The following ATXN1 variants were observed in gnomAD, a reference collection of about 807,000 sequenced individuals.
The protein encoded by ATXN1 is ataxin-1.
Under a neutral mutation model 56.4 loss-of-function variants are expected in ATXN1, and 8 were observed. That is an observed-to-expected ratio of 0.14 (90% CI 0.08 to 0.26). The LOEUF is 0.26. Among genes scored for constraint, ATXN1 ranks in the 10% least tolerant of loss-of-function variants. The probability of loss-of-function intolerance (pLI) is 1.00; values close to 1 mark genes in which losing one functional copy is unlikely to be tolerated. For missense variants in ATXN1, 987 were observed against 1,106.5 expected, an observed-to-expected ratio of 0.89 and a Z score of 1.53; for synonymous variants, 514 against 494.6, an observed-to-expected ratio of 1.04 and a Z score of -0.52.
intron 6 of ATXN1, among the ~76,000 whole-genome samples, chr6:16,448,848 G>A (rs78162517): frequency 0.016 from 2,407 of 152,242 alleles, 72 homozygotes; most frequent in African/African-American, 0.055. Flanking sequence ...TTTTTTGCTT[G>A]CATGAAGGGT....
chr6:16,607,453 T>C (rs889808408), intron 3 of ATXN1, among the ~76,000 whole-genome samples: 44 of 152,252 alleles, frequency 2.9e-4, no homozygotes, highest in Non-Finnish European at 5.7e-4. Context: ...TAATTGATAT[T>C]GCGCTGCATG....
chr6:16,559,810 G>C (rs1214271360), intron 4 of ATXN1, among the ~76,000 whole-genome samples: 4 of 152,032 alleles, frequency 2.6e-5, no homozygotes, highest in Non-Finnish European at 5.9e-5. Flanking sequence ...AAGGAGCAAA[G>C]TACGTGGTCT....
Position 16,410,626 on chromosome 6 carries a change from G to A in ATXN1, c.-161+75346C>T, listed in dbSNP as rs141671471. ...AAAATCCAAAAGGGTGCAATCATTTGTTTTACTAGAATCTTCTTTATGTTC... is the reference window on the plus strand; with the variant it reads ...AAAATCCAAAAGGGTGCAATCATTTATTTTACTAGAATCTTCTTTATGTTC... On this transcript the variant is annotated intron_variant, in intron 6 of 7. Transcript: ENST00000436367. This position sits in a 1 kb window ranked among gnomAD's most constrained non-coding sequence, Gnocchi z 4.6. Among the ~76,000 whole-genome samples the A allele has an allele frequency of 2.1e-3, 319 of 152,232 alleles. No homozygotes were observed. The highest frequency in any genetic ancestry group is 7.3e-3 in the African/African-American group (303 of 41,536).
intron 3 of ATXN1, among the ~76,000 whole-genome samples, chr6:16,646,070 A>C (rs1763794093): frequency 6.6e-6 from 1 of 151,986 alleles, no homozygotes; most frequent in South Asian, 2.1e-4. Context: ...AAAAAATTAA[A>C]AATGAGCCAG....
intron 6 of ATXN1, among the ~76,000 whole-genome samples, chr6:16,457,696 C>G (rs1162658216): frequency 2.0e-5 from 3 of 152,280 alleles, no homozygotes; most frequent in Admixed American, 2.0e-4. Flanking sequence ...GGATAATCCA[C>G]AACTATGCAA....
chr6:16,614,972 A>G (rs146388778), intron 3 of ATXN1: 7 of 151,306 alleles, frequency 4.6e-5, no homozygotes, highest in African/African-American at 1.7e-4. Flanking sequence ...ACAAATGACA[A>G]ATTTTCTAGA....
In ATXN1 at chr6:16,327,696, C is replaced by CTGA. The variant is rs1561853120; in HGVS notation, c.614_615insTCA (p.Gln204_Gln205insHis). ...GCTGCTGATGCTGATGCTGCTGCTG[C>CTGA]TGCTGCTGCTGCTGCTGCTGCTGCT... is the stretch of plus-strand genomic sequence containing the variant. On this transcript the variant is annotated inframe_insertion, in exon 7 of 8. Coordinates refer to ENST00000436367, the MANE Select transcript of ATXN1 (RefSeq NM_001128164.2). 5.0e-6 allele frequency: 8 copies of CTGA among 1,592,582 alleles called. No homozygotes were observed. The highest frequency in any genetic ancestry group is 3.4e-5 in the Admixed American group (2 of 58,872).
chr6:16,427,088 T>C (rs996006307), intron 6 of ATXN1, among the ~76,000 whole-genome samples: 1 of 152,170 alleles, frequency 6.6e-6, no homozygotes, highest in Non-Finnish European at 1.5e-5. Context: ...GATCCAGACA[T>C]GGAACTCTCC....
At chr6:16,453,461 AAAAAT>A (rs556906553) in intron 6 of ATXN1, among the ~76,000 whole-genome samples, 1 of 152,214 alleles carries the variant, frequency 6.6e-6, no homozygotes, top group Non-Finnish European at 1.5e-5. Flanking sequence ...ACTCCGTCTC[AAAAAT>A]AAAATAAAAT....
At chr6:16,607,354 A>G (rs1358612117) in intron 3 of ATXN1, among the ~76,000 whole-genome samples, 2 of 152,252 alleles carry the variant, frequency 1.3e-5, no homozygotes, top group Non-Finnish European at 2.9e-5. Flanking sequence ...ACAAAATAGG[A>G]AACCTGGACA....
intron 6 of ATXN1, among the ~76,000 whole-genome samples, chr6:16,364,744 A>C (rs1215142532): frequency 6.6e-6 from 1 of 152,244 alleles, no homozygotes; most frequent in Non-Finnish European, 1.5e-5. Context: ...GCTATTCATG[A>C]ATGTCACAGT....
rs70999327 is a variant in ATXN1, at chr6:16,471,688, CGT to C, written c.-161+14282_-161+14283del. On this transcript the variant is annotated intron_variant, in intron 6 of 7. Coordinates refer to ENST00000436367, the MANE Select transcript of ATXN1 (RefSeq NM_001128164.2). ...GAGTGTGCGTATGTGTGCATGCATG[CGT>C]GTGTGTGTGTGTGTGTGTGTGAGAC... Among the ~76,000 whole-genome samples, 531 of 149,252 alleles carry C rather than the reference CGT, an allele frequency of 3.6e-3. 3 individuals are homozygous for C. The highest frequency in any genetic ancestry group is 0.014 in the Middle Eastern group (4 of 292).
chr6:16,456,443 C>T (rs540881245), intron 6 of ATXN1, among the ~76,000 whole-genome samples: 1 of 152,310 alleles, frequency 6.6e-6, no homozygotes, highest in African/African-American at 2.4e-5. Flanking sequence ...TCACTAACAA[C>T]CCCCGACTGT....
chr6:16,743,247 C>T (rs770683945), intron 2 of ATXN1, among the ~76,000 whole-genome samples: 1 of 152,148 alleles, frequency 6.6e-6, no homozygotes, highest in Non-Finnish European at 1.5e-5. Context: ...TATGATTGAG[C>T]GAATTCAGCA....
intron 2 of ATXN1, among the ~76,000 whole-genome samples, chr6:16,714,611 A>T (rs1006118635): frequency 6.6e-6 from 1 of 152,192 alleles, no homozygotes; most frequent in African/African-American, 2.4e-5. Context: ...TTAACAGTAT[A>T]TACATGTTAC....
chr6:16,437,869 T>C (rs116110305), intron 6 of ATXN1, among the ~76,000 whole-genome samples: 5,806 of 152,292 alleles, frequency 0.038, 352 homozygotes, highest in African/African-American at 0.13. Context: ...GCACTGTCCA[T>C]GGACCTTGTC....
At chr6:16,542,830 A>T (rs565399917) in intron 4 of ATXN1, among the ~76,000 whole-genome samples, 9 of 150,550 alleles carry the variant, frequency 6.0e-5, no homozygotes, top group African/African-American at 2.2e-4. Context: ...ACAGTAAGAG[A>T]TTAACAACAA....
chr6:16,404,249 A>G (rs1483680271), intron 6 of ATXN1, among the ~76,000 whole-genome samples: 1 of 152,204 alleles, frequency 6.6e-6, no homozygotes, highest in African/African-American at 2.4e-5. Context: ...TACTCTGAAA[A>G]TATTTTCTTG....
intron 3 of ATXN1, among the ~76,000 whole-genome samples, chr6:16,627,949 C>T (rs1489234396): frequency 1.3e-5 from 2 of 152,160 alleles, no homozygotes; most frequent in Non-Finnish European, 2.9e-5. Flanking sequence ...AAAAGAGCTG[C>T]TCATTCTGAT....
Sources: allele counts gnomAD v4.1 joint callset (sites outside exome capture counted in the v4.1 genomes callset), GRCh38; gene constraint gnomAD v4.1.1; non-coding constraint Gnocchi (gnomAD v3.1); transcripts MANE v1.5; gene names NCBI Gene and HGNC (gene_info 2026-07-23, HGNC 2026-07-21).